SYT14: variants seen among roughly 807,000 people sequenced by gnomAD.
SYT14 encodes the protein synaptotagmin-14.
In SYT14, 32 loss-of-function variants were observed where a neutral mutation model predicts 74.2. The ratio of observed to expected loss-of-function variants is 0.43; its 90% CI spans 0.33 to 0.58. SYT14 has a LOEUF of 0.58. Ranked by LOEUF, SYT14 falls within the 20% of genes least tolerant of loss-of-function variation. The pLI, the probability that SYT14 is intolerant of heterozygous loss-of-function variation, is 0.05. For missense variants in SYT14, 791 were observed against 981.8 expected, an observed-to-expected ratio of 0.81 and a Z score of 2.60; for synonymous variants, 298 against 337.7, an observed-to-expected ratio of 0.88 and a Z score of 1.29.
In SYT14 at chr1:210,052,810, G is replaced by A. The variant is rs138426442; in HGVS notation, c.1312+31556G>A. Among the ~76,000 whole-genome samples, 1,251 of 151,854 alleles carry A rather than the reference G, an allele frequency of 8.2e-3. 21 individuals carry two copies. Among genetic ancestry groups the A allele is most frequent in the African/African-American group, 0.029 (1,188 of 41,410 alleles). On this transcript the variant is annotated intron_variant, in intron 5 of 9. Transcript: ENST00000637265. Reference sequence around the variant, plus strand: ...AAGTTGCTAACAGGAAATTATTGAGGTGTTTAAATTTTTTAAATAAAAAAT... The same window carrying A: ...AAGTTGCTAACAGGAAATTATTGAGATGTTTAAATTTTTTAAATAAAAAAT...
chr1:210,160,021 CCTA>C (rs1409056651), intron 9 of SYT14, among the ~76,000 whole-genome samples: 1 of 152,112 alleles, frequency 6.6e-6, no homozygotes, highest in African/African-American at 2.4e-5. Flanking sequence ...AAAAAACAAT[CCTA>C]TAGTATTTTA....
intron 5 of SYT14, among the ~76,000 whole-genome samples, chr1:210,078,964 A>C (rs2081567213): frequency 6.6e-6 from 1 of 151,602 alleles, no homozygotes; most frequent in African/African-American, 2.4e-5. Flanking sequence ...CGTGTTTCCC[A>C]GGCTAGTCTT....
At chr1:209,944,261 AC>A (rs1272229826) in intron 1 of SYT14, among the ~76,000 whole-genome samples, 2 of 152,206 alleles carry the variant, frequency 1.3e-5, no homozygotes, top group African/African-American at 4.8e-5. Flanking sequence ...GTGAGCACAT[AC>A]TTAAGGTTTT....
intron 5 of SYT14, among the ~76,000 whole-genome samples, chr1:210,075,840 A>G (rs1333987790): frequency 6.6e-6 from 1 of 152,128 alleles, no homozygotes; most frequent in Non-Finnish European, 1.5e-5. Context: ...GTTCCCTTGT[A>G]TAGATTTTCT....
chr1:210,094,054 C>A (rs1468163061), intron 5 of SYT14, among the ~76,000 whole-genome samples: 3 of 151,742 alleles, frequency 2.0e-5, no homozygotes, highest in African/African-American at 7.3e-5. Context: ...CTTATCACTC[C>A]CTAATTTTTA....
At chr1:209,941,402 A>G (rs1368352502) in intron 1 of SYT14, among the ~76,000 whole-genome samples, 1 of 152,210 alleles carries the variant, frequency 6.6e-6, no homozygotes, top group Non-Finnish European at 1.5e-5. Context: ...TGGCCCAGTG[A>G]TCTGGCAATA....
intron 7 of SYT14, among the ~76,000 whole-genome samples, chr1:210,141,038 T>C (rs986976441): frequency 3.7e-5 from 5 of 136,946 alleles, no homozygotes; most frequent in Non-Finnish European, 6.0e-5. Flanking sequence ...TTGACTTCTT[T>C]GTTTCTGCAA....
intron 1 of SYT14, among the ~76,000 whole-genome samples, chr1:209,940,594 A>G (rs1200004114): frequency 1.3e-5 from 2 of 152,118 alleles, no homozygotes; most frequent in South Asian, 2.1e-4. Context: ...GTTTTTTGGC[A>G]GTAATTCTTA....
chr1:210,060,005 G>A (rs374152137), intron 5 of SYT14, among the ~76,000 whole-genome samples: 2 of 152,072 alleles, frequency 1.3e-5, no homozygotes, highest in Non-Finnish European at 2.9e-5. Flanking sequence ...TGTATGAGAG[G>A]TATCTGCATC....
At chr1:210,074,818 G>T (rs2081460529) in intron 5 of SYT14, among the ~76,000 whole-genome samples, 1 of 152,188 alleles carries the variant, frequency 6.6e-6, no homozygotes, top group African/African-American at 2.4e-5. Flanking sequence ...GCAGTGTCTA[G>T]AGATGAATGT....
chr1:210,117,079 G>C (rs926557547), intron 7 of SYT14, among the ~76,000 whole-genome samples: 7 of 152,132 alleles, frequency 4.6e-5, no homozygotes. Context: ...TCAGTCAAGA[G>C]TATAATGCCA....
chr1:210,004,545 A>G (rs980448004), intron 2 of SYT14, among the ~76,000 whole-genome samples: 12 of 151,812 alleles, frequency 7.9e-5, no homozygotes, highest in African/African-American at 2.9e-4. Flanking sequence ...TTGATTGACA[A>G]ATTCTTTCTT....
chr1:210,094,261 T>C (rs1489279208), intron 5 of SYT14, 61 bp from the exon 5 acceptor site: 3 of 1,609,084 alleles, frequency 1.9e-6, no homozygotes, highest in African/African-American at 2.7e-5. Flanking sequence ...ACAATTATTG[T>C]AGACTATACT....
chr1:210,040,666 T>C (rs116648307), intron 5 of SYT14, among the ~76,000 whole-genome samples: 22 of 152,236 alleles, frequency 1.4e-4, no homozygotes, highest in Non-Finnish European at 3.2e-4. Context: ...TTTCTGAACT[T>C]AGTAAGAATT....
chr1:210,004,411 C>T (rs1346138268), intron 2 of SYT14, among the ~76,000 whole-genome samples: 1 of 151,804 alleles, frequency 6.6e-6, no homozygotes, highest in African/African-American at 2.4e-5. Context: ...ATATATCTCC[C>T]AAAATACCTA....
At chr1:209,974,179 G>A (rs2079313564) in intron 2 of SYT14, among the ~76,000 whole-genome samples, 3 of 152,044 alleles carry the variant, frequency 2.0e-5, no homozygotes, top group Non-Finnish European at 4.4e-5. Context: ...CACTCTGATG[G>A]TAGTTTCTTT....
At chr1:210,000,773 C>T (rs1040935800) in intron 2 of SYT14, among the ~76,000 whole-genome samples, 8 of 151,982 alleles carry the variant, frequency 5.3e-5, no homozygotes, top group Non-Finnish European at 1.0e-4. Flanking sequence ...GCCACCGCGC[C>T]AGGCTAATTT....
intron 5 of SYT14, among the ~76,000 whole-genome samples, chr1:210,026,642 A>ACACT (rs1483338264): frequency 6.7e-6 from 1 of 148,834 alleles, no homozygotes; most frequent in South Asian, 2.1e-4. Flanking sequence ...ACACACACAC[A>ACACT]CTCACCCCTA....
At chr1:210,012,891 A>G (rs1469447654) in intron 2 of SYT14, among the ~76,000 whole-genome samples, 3 of 151,864 alleles carry the variant, frequency 2.0e-5, no homozygotes, top group Non-Finnish European at 2.9e-5. Context: ...TAGTAGAGAC[A>G]GGGTTTCGCC....
Sources: gnomAD v4.1 joint callset for allele counts (sites outside exome capture counted in the v4.1 genomes callset) on GRCh38, gnomAD v4.1.1 for gene constraint, MANE v1.5 for transcripts, NCBI Gene and HGNC (gene_info 2026-07-23, HGNC 2026-07-21) for gene names.